The following CCAR2 variants were observed in gnomAD, a reference collection of about 807,000 sequenced individuals.
CCAR2 encodes cell cycle and apoptosis regulator protein 2.
CCAR2 carries 21 observed loss-of-function variants against 108.1 expected under a neutral mutation model. The observed-to-expected ratio is 0.19, with a 90% CI of 0.14 to 0.28. CCAR2 has a LOEUF of 0.28. Among genes scored for constraint, CCAR2 ranks in the 10% least tolerant of loss-of-function variants. CCAR2 has a pLI of 1.00. For missense variants in CCAR2, 1,126 were observed against 1,177.0 expected, an observed-to-expected ratio of 0.96 and a Z score of 0.63; for synonymous variants, 577 against 472.8, an observed-to-expected ratio of 1.22 and a Z score of -2.86.
At chr8:22,617,600 G>A in intron 15 of CCAR2, 36 bp downstream of exon 15, 1 of 1,608,836 alleles carries the variant, frequency 6.2e-7, no homozygotes, top group Non-Finnish European at 8.5e-7. Flanking sequence ...TTGCAGGCTT[G>A]GGATGTGGCT....
chr8:22,615,967 A>C lies in CCAR2; in HGVS notation c.1609-45A>C, dbSNP rs774715818. ...GGGCTGGGATTTGTGGGCCTGAAGC[A>C]GTCTTTCTTCCTGATGCTCATGGAC... On this transcript the variant is annotated intron_variant, in intron 13 of 20. Transcript: ENST00000308511. 12 of 1,612,618 alleles carry C rather than the reference A, an allele frequency of 7.4e-6. No homozygotes were observed. In the Admixed American group the frequency reaches 2.0e-4, roughly 27 times the overall value.
chr8:22,613,778 A>G lies in CCAR2; in HGVS notation c.705-314A>G, dbSNP rs1011212346. The stretch of plus-strand genomic sequence containing the variant: ...TCTTATGTATTTCTCTTAAGAACCT[A>G]TTGATGTCAATTTTCCGTTTTAGGC... On this transcript the variant is annotated intron_variant, in intron 8 of 20. Transcript: ENST00000308511. 18 of 330,030 alleles carry G rather than the reference A, an allele frequency of 5.5e-5. 1 individual carries two copies. The South Asian group carries it at 8.4e-4, about 15-fold the overall frequency. The allele number at this position is 330,030 out of a possible 1,614,324, so 20.4% of individuals were successfully genotyped here. A position where few individuals can be genotyped will look rare whatever the true frequency, so the allele number is the denominator to read the frequency against.
At chr8:22,607,628 C>T (rs528767239) in intron 6 of CCAR2, among the ~76,000 whole-genome samples, 5 of 151,828 alleles carry the variant, frequency 3.3e-5, no homozygotes, top group African/African-American at 7.2e-5. Context: ...CCACCATGAC[C>T]GGCTAATTTT....
intron 10 of CCAR2, 95 bp from the exon 11 acceptor site, chr8:22,614,743 G>A (rs3830254): frequency 2.3e-6 from 2 of 873,626 alleles, no homozygotes; most frequent in Middle Eastern, 2.5e-4. Context: ...CCCCACTTCC[G>A]GCTGCCTTCA....
rs911950257 is a variant in CCAR2 at position 22,607,090 on chromosome 8, C to G, written c.357+66C>G. The G allele has an allele frequency of 9.9e-6, 16 of 1,608,160 alleles. No homozygotes were observed. The Admixed American group carries it at 1.5e-4, about 15-fold the overall frequency. On this transcript the variant is annotated intron_variant, in intron 5 of 20. Coordinates refer to ENST00000308511, the MANE Select transcript of CCAR2 (RefSeq NM_001393997.1). ...GATGGAAGCCCCTGTGCCCTGACAG[C>G]TGGGCAAAACCCTGACTTTTGTCAG... is the stretch of plus-strand genomic sequence containing the variant.
chr8:22,619,871 G>A lies in CCAR2; in HGVS notation c.*189G>A. On this transcript the variant is annotated 3_prime_UTR_variant, in exon 21 of 21. Transcript: ENST00000308511. Reference sequence around the variant, plus strand: ...GCTGTGCTATGTGGGATGGATGTGTGAGGAACCCCGGTTCCACTTAACAAC... The same window carrying A: ...GCTGTGCTATGTGGGATGGATGTGTAAGGAACCCCGGTTCCACTTAACAAC... The A allele has an allele frequency of 1.6e-6, 1 of 608,346 alleles. No individual in the cohort carries two copies. The highest frequency in any genetic ancestry group is 2.9e-6 in the Non-Finnish European group (1 of 342,858). 37.7% of individuals were successfully genotyped at this position (608,346 alleles called of 1,614,324 possible). A position where few individuals can be genotyped will look rare whatever the true frequency, so the allele number is the denominator to read the frequency against.
intron 7 of CCAR2, among the ~76,000 whole-genome samples, chr8:22,610,122 A>G (rs1404737967): frequency 1.3e-5 from 2 of 152,176 alleles, no homozygotes; most frequent in Non-Finnish European, 2.9e-5. Context: ...TACTCAACCT[A>G]TACTACCATT....
At chr8:22,610,809 AC>A (rs1801243420) in intron 7 of CCAR2, among the ~76,000 whole-genome samples, 1 of 152,254 alleles carries the variant, frequency 6.6e-6, no homozygotes, top group South Asian at 2.1e-4. Flanking sequence ...CAACTCAGTT[AC>A]CCAGGCACAG....
Position 22,619,031 on chromosome 8 carries a change from T to A in CCAR2, c.2521+16T>A. ...CTGAAGCTGGGTGAGGGCCTGGGGC[T>A]GCAGCCACCATGGGGTCACATGCAG... On this transcript the variant is annotated intron_variant, in intron 19 of 20. Coordinates refer to ENST00000308511, the MANE Select transcript of CCAR2 (RefSeq NM_001393997.1). 6.2e-7 allele frequency: 1 copy of A among 1,611,198 alleles called. No individual in the cohort carries two copies. The highest frequency in any genetic ancestry group is 8.5e-7 in the Non-Finnish European group (1 of 1,178,840).
intron 6 of CCAR2, 93 bp downstream of exon 6, chr8:22,607,418 T>C: frequency 7.0e-7 from 1 of 1,423,682 alleles, no homozygotes; most frequent in Non-Finnish European, 9.5e-7. Flanking sequence ...TAGAGGTGGG[T>C]ACTTCTATGT....
In CCAR2 at chr8:22,615,457, C is replaced by G. The variant is rs138544051; in HGVS notation, c.1238C>G (p.Pro413Arg). ...WRFAEFQYLQ[P>R]GPPRRLQTVV... ...TTTGCCGAGTTTCAGTACCTGCAGC[C>G]GGGACCCCCCCGGCGGCTTCAGACA... The change falls in exon 12 of 21, where the codon CCG becomes CGG. Residue 413 changes from proline (P) to arginine (R), a missense_variant. Transcript: ENST00000308511. 1.7e-5 allele frequency: 27 copies of G among 1,613,808 alleles called. No homozygotes were observed. Among genetic ancestry groups the G allele is most frequent in the Non-Finnish European group, 2.2e-5 (26 of 1,179,974 alleles).
Position 22,615,130 on chromosome 8 carries a change from G to C in CCAR2, c.1205+129G>C, listed in dbSNP as rs908479962. The C allele has an allele frequency of 4.8e-6, 6 of 1,257,614 alleles. No homozygotes were observed. The African/African-American group carries it at 9.1e-5, about 19-fold the overall frequency. 77.9% of individuals were successfully genotyped at this position (1,257,614 alleles called of 1,614,324 possible). On this transcript the variant is annotated intron_variant, in intron 11 of 20. Coordinates refer to ENST00000308511, the MANE Select transcript of CCAR2 (RefSeq NM_001393997.1). The stretch of plus-strand genomic sequence containing the variant: ...CCCTAGTCCCGTTCCTTCCCCCTCT[G>C]GTGCCTCAGGGTAGGGTGGGGTGTA...
At chr8:22,618,157 T>A (rs1801599242) in intron 16 of CCAR2, 192 bp from the exon 17 acceptor site, 1 of 676,638 alleles carries the variant, frequency 1.5e-6, no homozygotes, top group Admixed American at 2.7e-5. Context: ...CAGGCATGAA[T>A]ATAGTGCACT....
At chr8:22,618,273 G>A (rs2117465829) in intron 16 of CCAR2, 76 bp from the exon 17 acceptor site, 1 of 1,589,512 alleles carries the variant, frequency 6.3e-7, no homozygotes, top group Non-Finnish European at 8.6e-7. Context: ...CTGGATTCTG[G>A]ACAGGCTGAA....
intron 3 of CCAR2, 113 bp downstream of exon 3, chr8:22,606,289 G>T: frequency 6.3e-6 from 6 of 959,414 alleles, no homozygotes; most frequent in East Asian, 2.4e-5. Flanking sequence ...CCCTCTCCTG[G>T]TAGTGGGCTA....
At chr8:22,610,990 C>T (rs1801250423) in intron 7 of CCAR2, among the ~76,000 whole-genome samples, 1 of 151,946 alleles carries the variant, frequency 6.6e-6, no homozygotes. Context: ...ACTGTGGTGA[C>T]TTATTATAAA....
Position 22,607,387 on chromosome 8 carries a change from T to C in CCAR2, c.487+62T>C, listed in dbSNP as rs1345851511. ...ATGGGGTAGTTTAGATCAATGGACT[T>C]TCAGGTTGCTGCTCTTAGCATAGAG... On this transcript the variant is annotated intron_variant, in intron 6 of 20. Transcript: ENST00000308511. 7 of 1,588,196 alleles carry C rather than the reference T, an allele frequency of 4.4e-6. No individual in the cohort carries two copies. The Admixed American group carries it at 1.2e-4, about 27-fold the overall frequency.
chr8:22,607,855 A>G, intron 6 of CCAR2, 114 bp from the exon 7 acceptor site: 3 of 763,428 alleles, frequency 3.9e-6, no homozygotes, highest in Non-Finnish European at 6.6e-6. Flanking sequence ...TGAACTCCTG[A>G]CCTCAAGTGA....
intron 14 of CCAR2, chr8:22,616,473 A>C (rs1585164014): frequency 1.7e-6 from 1 of 575,160 alleles, no homozygotes; most frequent in Non-Finnish European, 3.1e-6. Context: ...AACCCTTGTC[A>C]CTGAGAACGC....
Sources: allele counts gnomAD v4.1 joint callset (sites outside exome capture counted in the v4.1 genomes callset), GRCh38; gene constraint gnomAD v4.1.1; transcripts MANE v1.5; gene names NCBI Gene and HGNC (gene_info 2026-07-23, HGNC 2026-07-21).